PTPRK: variants seen among roughly 807,000 people sequenced by gnomAD.
PTPRK encodes protein tyrosine phosphatase receptor type K.
Under a neutral mutation model 178.0 loss-of-function variants are expected in PTPRK, and 75 were observed. The observed-to-expected ratio is 0.42, with a 90% CI of 0.35 to 0.51. The LOEUF (loss-of-function observed/expected upper bound fraction) is 0.51. Ranked by LOEUF, PTPRK falls within the 20% of genes least tolerant of loss-of-function variation. PTPRK has a pLI of 0.02. For synonymous variants in PTPRK, 637 were observed against 620.6 expected (o/e 1.03, Z -0.39); for missense variants, 1,441 against 1,797.8 (o/e 0.80, Z 3.59).
chr6:128,470,445 C>T (rs891117455), intron 1 of PTPRK, among the ~76,000 whole-genome samples: 7 of 152,040 alleles, frequency 4.6e-5, no homozygotes, highest in African/African-American at 1.2e-4. Flanking sequence ...ATCAATCCAA[C>T]GTAAGTTCAC....
At chr6:127,972,446 CAT>C (rs1395151061) in intron 29 of PTPRK, among the ~76,000 whole-genome samples, 8 of 152,044 alleles carry the variant, frequency 5.3e-5, no homozygotes, top group South Asian at 2.1e-4. Context: ...CACACACACA[CAT>C]ACCTATCAGC....
chr6:127,995,220 T>C (rs1476591141), intron 18 of PTPRK: 8 of 1,569,496 alleles, frequency 5.1e-6, no homozygotes, highest in Non-Finnish European at 7.0e-6. Flanking sequence ...TATAATAGGG[T>C]GCTGTTATTT....
At chr6:128,235,815 A>G (rs1217591816) in intron 5 of PTPRK, among the ~76,000 whole-genome samples, 1 of 152,044 alleles carries the variant, frequency 6.6e-6, no homozygotes, top group East Asian at 1.9e-4. Flanking sequence ...CAGAAGGACA[A>G]TAGTAGCCTA....
chr6:128,303,287 G>A (rs909210945), intron 3 of PTPRK, among the ~76,000 whole-genome samples: 2 of 152,156 alleles, frequency 1.3e-5, no homozygotes, highest in African/African-American at 2.4e-5. Flanking sequence ...AAAGCTGGTC[G>A]CCCTTTTTTG....
intron 1 of PTPRK, among the ~76,000 whole-genome samples, chr6:128,446,887 T>C (rs532517269): frequency 5.9e-5 from 9 of 152,294 alleles, no homozygotes; most frequent in African/African-American, 2.2e-4. Flanking sequence ...TATCTAAAGC[T>C]TAAATAAGAC....
chr6:128,032,791 G>T (rs570606011), intron 13 of PTPRK, among the ~76,000 whole-genome samples: 1 of 152,216 alleles, frequency 6.6e-6, no homozygotes, highest in African/African-American at 2.4e-5. Context: ...ACACAGACAT[G>T]GTTACTGAAG....
At chr6:128,296,295 A>C (rs1325524817) in intron 3 of PTPRK, among the ~76,000 whole-genome samples, 1 of 152,048 alleles carries the variant, frequency 6.6e-6, no homozygotes, top group Non-Finnish European at 1.5e-5. Context: ...TCAAAAATCA[A>C]CTCAATGAAG....
chr6:128,125,479 C>T (rs1471033553), intron 7 of PTPRK, among the ~76,000 whole-genome samples: 1 of 152,058 alleles, frequency 6.6e-6, no homozygotes, highest in Non-Finnish European at 1.5e-5. Flanking sequence ...AGCCACTATA[C>T]TTCCAGTACA....
chr6:128,414,774 T>C (rs1842663111), intron 1 of PTPRK, among the ~76,000 whole-genome samples: 1 of 152,178 alleles, frequency 6.6e-6, no homozygotes, highest in South Asian at 2.1e-4. Flanking sequence ...AGACTGTAGG[T>C]GGTACTTTCA....
chr6:128,254,142 G>A (rs1816910838), intron 3 of PTPRK, among the ~76,000 whole-genome samples: 1 of 152,078 alleles, frequency 6.6e-6, no homozygotes, highest in Non-Finnish European at 1.5e-5. Context: ...AGAGGAGAAA[G>A]GTTTTGACAT....
At chr6:128,478,246 C>A (rs926317018) in intron 1 of PTPRK, among the ~76,000 whole-genome samples, 1 of 152,130 alleles carries the variant, frequency 6.6e-6, no homozygotes, top group Non-Finnish European at 1.5e-5. Context: ...CTTCCTAACT[C>A]TTGTTTTCTG....
chr6:128,172,794 T>C (rs1317240582), intron 7 of PTPRK, among the ~76,000 whole-genome samples: 1 of 151,876 alleles, frequency 6.6e-6, no homozygotes, highest in Admixed American at 6.6e-5. Flanking sequence ...CGTGTGTATA[T>C]GACATATATT....
At chr6:128,007,965 A>C in intron 14 of PTPRK, 1 of 971,252 alleles carries the variant, frequency 1.0e-6, no homozygotes, top group Non-Finnish European at 1.5e-6. Flanking sequence ...CCAACCACAG[A>C]GGGAGACAAC....
chr6:128,321,424 G>T, intron 3 of PTPRK: 1 of 222,526 alleles, frequency 4.5e-6, no homozygotes, highest in Non-Finnish European at 8.7e-6. Context: ...TTGATTGTCT[G>T]ATTTAATCAT....
intron 27 of PTPRK, among the ~76,000 whole-genome samples, chr6:127,974,066 C>T (rs781725757): frequency 2.0e-5 from 3 of 152,240 alleles, no homozygotes; most frequent in Non-Finnish European, 4.4e-5. Context: ...TTCATTACTA[C>T]GATTACATTT....
At chr6:128,299,375 A>G (rs1184863765) in intron 3 of PTPRK, among the ~76,000 whole-genome samples, 1 of 151,908 alleles carries the variant, frequency 6.6e-6, no homozygotes, top group Non-Finnish European at 1.5e-5. Context: ...AAACTACTTT[A>G]AAGTTCATAT....
At chr6:128,227,951 C>T (rs1013416326) in intron 5 of PTPRK, among the ~76,000 whole-genome samples, 1 of 151,690 alleles carries the variant, frequency 6.6e-6, no homozygotes, top group African/African-American at 2.4e-5. Flanking sequence ...GGGAACATCA[C>T]ACACTGGGGC....
intron 7 of PTPRK, among the ~76,000 whole-genome samples, chr6:128,118,511 A>C (rs548757361): frequency 6.6e-6 from 1 of 152,350 alleles, no homozygotes; most frequent in African/African-American, 2.4e-5. Flanking sequence ...GAACACAGGA[A>C]AGCCACATGT....
At chr6:128,024,404 T>C (rs796383465) in intron 13 of PTPRK, among the ~76,000 whole-genome samples, 4 of 152,346 alleles carry the variant, frequency 2.6e-5, no homozygotes, top group African/African-American at 9.6e-5. Flanking sequence ...AGGATCATTT[T>C]TAAGGAAAAT....
Sources: gnomAD v4.1 joint callset for allele counts (sites outside exome capture counted in the v4.1 genomes callset) on GRCh38, gnomAD v4.1.1 for gene constraint, MANE v1.5 for transcripts, NCBI Gene and HGNC (gene_info 2026-07-23, HGNC 2026-07-21) for gene names.